CFHR4: variants seen among roughly 807,000 people sequenced by gnomAD.
CFHR4 encodes complement factor H related 4.
Under a neutral mutation model 69.3 loss-of-function variants are expected in CFHR4, and 64 were observed. That is an observed-to-expected ratio of 0.92 (90% CI 0.76 to 1.14). The LOEUF is 1.14. Among genes scored for constraint, CFHR4 ranks in the 50% most tolerant of loss-of-function variants. CFHR4 has a pLI of 0.00. For missense variants in CFHR4, 636 were observed against 684.9 expected, an observed-to-expected ratio of 0.93 and a Z score of 0.80; for synonymous variants, 244 against 237.0, an observed-to-expected ratio of 1.03 and a Z score of -0.27.
At chr1:196,913,178 T>C (rs1366539111) in intron 7 of CFHR4, among the ~76,000 whole-genome samples, 2 of 151,592 alleles carry the variant, frequency 1.3e-5, no homozygotes, top group Non-Finnish European at 2.9e-5. Flanking sequence ...TACAGACTAG[T>C]TAGGGAGCTG....
rs1386548891 is a variant in CFHR4 at position 196,912,913 on chromosome 1, A to G, written c.1171A>G (p.Ile391Val). 1.3e-5 allele frequency: 21 copies of G among 1,611,668 alleles called. No individual in the cohort carries two copies. The highest frequency in any genetic ancestry group is 4.5e-5 in the East Asian group (2 of 44,716). Residue 391 changes from isoleucine to valine, a missense_variant, in exon 7 of 10, where the codon ATT becomes GTT. By Grantham distance (29) the Ile-to-Val change is conservative. This residue lies in a region of CFHR4 where 529 missense variants were observed against 533.2 expected (regional missense o/e 0.99). Coordinates refer to ENST00000608469, the MANE Select transcript of CFHR4 (RefSeq NM_001201550.3). ...GCAAAATGGATGGTCAGCACAACCA[A>G]TTTGCATTAGTAAGTGATTTACATA... ...CLQNGWSAQP[I>V]CIKFCDMPVF...
rs559302411 is a variant in CFHR4, at chr1:196,891,660, C to T, written c.58+3452C>T. ...TCTTAAGATTTCATAACAAATAGAA[C>T]GTAAATATTAATTTCTCTCATGTTT... On this transcript the variant is annotated intron_variant, in intron 1 of 9. Transcript: ENST00000608469. Among the ~76,000 whole-genome samples, 177 of 150,872 alleles carry T rather than the reference C, an allele frequency of 1.2e-3. 3 individuals are homozygous for T. The highest frequency in any genetic ancestry group is 9.2e-3 in the South Asian group (44 of 4,806).
intron 6 of CFHR4, among the ~76,000 whole-genome samples, chr1:196,910,685 CCTAT>C (rs1305171119): frequency 6.6e-6 from 1 of 151,114 alleles, no homozygotes; most frequent in Non-Finnish European, 1.5e-5. Flanking sequence ...TATGAGAATA[CCTAT>C]ATAATTTAAA....
intron 9 of CFHR4, among the ~76,000 whole-genome samples, chr1:196,915,376 G>A (rs544650947): frequency 5.3e-5 from 8 of 151,360 alleles, no homozygotes; most frequent in African/African-American, 1.2e-4. Context: ...GGTGGCTCAC[G>A]CCTGTAGTCC....
At chr1:196,895,265 T>C (rs115825805) in intron 1 of CFHR4, among the ~76,000 whole-genome samples, 1,747 of 151,526 alleles carry the variant, frequency 0.012, 91 homozygotes, top group African/African-American at 0.041. Context: ...AATTAAAGTT[T>C]GATTATAATG....
chr1:196,891,788 T>TATATAC (rs1163613381), intron 1 of CFHR4, among the ~76,000 whole-genome samples: 12 of 151,280 alleles, frequency 7.9e-5, no homozygotes, highest in African/African-American at 2.7e-4. Flanking sequence ...GTTCTCTTTG[T>TATATAC]ATATACATAT....
intron 7 of CFHR4, 83 bp downstream of exon 7, chr1:196,913,005 GA>G (rs1180359997): frequency 6.3e-7 from 1 of 1,597,502 alleles, no homozygotes; most frequent in Non-Finnish European, 8.5e-7. Flanking sequence ...TAAAAATATA[GA>G]AAACACTTTT....
chr1:196,917,855 G>A (rs1658741002), intron 9 of CFHR4, among the ~76,000 whole-genome samples: 1 of 151,584 alleles, frequency 6.6e-6, no homozygotes, highest in African/African-American at 2.4e-5. Context: ...TGGGGGAAAG[G>A]AGGATAAGTA....
At chr1:196,908,911 T>C (rs1210193871) in intron 5 of CFHR4, among the ~76,000 whole-genome samples, 2 of 151,458 alleles carry the variant, frequency 1.3e-5, no homozygotes, top group African/African-American at 4.9e-5. Flanking sequence ...TGACTGATGA[T>C]GCTGATATTT....
In CFHR4 at chr1:196,892,397, G is replaced by A. The variant is rs540991035; in HGVS notation, c.58+4189G>A. Among the ~76,000 whole-genome samples, 251 of 151,538 alleles carry A rather than the reference G, an allele frequency of 1.7e-3. 7 individuals are homozygous for A. The highest frequency in any genetic ancestry group is 6.0e-3 in the African/African-American group (245 of 41,104). ...GATGATATCAAAGATTATTGGCAGG[G>A]TTTTTTTGTGCCTGTTGTGTTTGTT... On this transcript the variant is annotated intron_variant, in intron 1 of 9. Coordinates refer to ENST00000608469, the MANE Select transcript of CFHR4 (RefSeq NM_001201550.3).
intron 1 of CFHR4, among the ~76,000 whole-genome samples, chr1:196,893,171 T>C (rs7416180): frequency 1.3e-5 from 2 of 151,796 alleles, no homozygotes; most frequent in Admixed American, 6.6e-5. Flanking sequence ...GAAGACAATA[T>C]ATAGATAGTT....
chr1:196,893,523 G>A (rs1306454298), intron 1 of CFHR4, among the ~76,000 whole-genome samples: 1 of 151,560 alleles, frequency 6.6e-6, no homozygotes, highest in East Asian at 1.9e-4. Flanking sequence ...TTTAAAAACT[G>A]CAATTATCTT....
At chr1:196,910,182 AC>A (rs1408156353) in intron 5 of CFHR4, 98 bp from the exon 6 acceptor site, 8 of 747,872 alleles carry the variant, frequency 1.1e-5, no homozygotes, top group South Asian at 6.5e-5. Context: ...AAAAAAAAAA[AC>A]ATTATTTGGA....
rs1317838204 is a variant in CFHR4 at position 196,907,314 on chromosome 1, A to G, written c.617-2A>G. 1 of 1,606,578 alleles carries G rather than the reference A, an allele frequency of 6.2e-7. No individual in the cohort carries two copies. Among genetic ancestry groups the G allele is most frequent in the Admixed American group, 1.7e-5 (1 of 59,228 alleles). On this transcript the variant is annotated splice_acceptor_variant, in intron 4 of 9. Transcript: ENST00000608469. LOFTEE classifies it high-confidence loss of function. ...TCCCCAATGTAAAGTATTTTTTTTCAGATTCTTCAGAAAACTGTGGGCCTC... is the reference window on the plus strand; with the variant it reads ...TCCCCAATGTAAAGTATTTTTTTTCGGATTCTTCAGAAAACTGTGGGCCTC...
chr1:196,918,412 C>A lies in CFHR4; in HGVS notation c.*6C>A. 1 of 1,607,790 alleles carries A rather than the reference C, an allele frequency of 6.2e-7. No homozygotes were observed. The highest frequency in any genetic ancestry group is 8.5e-7 in the Non-Finnish European group (1 of 1,175,684). On this transcript the variant is annotated 3_prime_UTR_variant, in exon 10 of 10. Transcript: ENST00000608469. ...AATACCCCAGATGCGAATAAGGCAG[C>A]ATTGTTACCCTAAATGTATGTCCAA...
chr1:196,898,491 T>C (rs1657426563), intron 1 of CFHR4, among the ~76,000 whole-genome samples: 1 of 151,642 alleles, frequency 6.6e-6, no homozygotes, highest in Non-Finnish European at 1.5e-5. Context: ...TAAAATTCTC[T>C]TTAATGTTTG....
rs1656830437 is a variant in CFHR4, at chr1:196,888,208, G to T, written c.58G>T (p.Glu20Ter). 1.9e-6 allele frequency: 3 copies of T among 1,610,746 alleles called. No individual in the cohort carries two copies. Among genetic ancestry groups the T allele is most frequent in the Non-Finnish European group, 1.7e-6 (2 of 1,178,434 alleles). ...TLWVSCANGQ[E>*]VKPCDFPEIQ... Reference sequence around the variant, plus strand: ...GTGGGTTTCCTGTGCTAATGGACAAGGTAAGTTGAAAGAGATCTAAACACT... The same window carrying T: ...GTGGGTTTCCTGTGCTAATGGACAATGTAAGTTGAAAGAGATCTAAACACT... Residue 20 changes from glutamate (E) to a stop codon, truncating the protein, a stop_gained and splice_region_variant, in exon 1 of 10, where the codon GAA becomes TAA. Coordinates refer to ENST00000608469, the MANE Select transcript of CFHR4 (RefSeq NM_001201550.3). LOFTEE classifies it high-confidence loss of function.
rs1215528965 is a variant in CFHR4, at chr1:196,913,631, C to T, written c.1180+709C>T. 4.0e-5 allele frequency among the ~76,000 whole-genome samples: 6 copies of T among 151,230 alleles called. 1 individual carries two copies. The highest frequency in any genetic ancestry group is 1.5e-4 in the African/African-American group (6 of 40,970). On this transcript the variant is annotated intron_variant, in intron 7 of 9. Transcript: ENST00000608469. ...CAAAAGTTGATTTTTTTTCTTTCCT[C>T]TTTATATATTCACAAAGATTTTTAA...
chr1:196,888,301 C>A, intron 1 of CFHR4, 93 bp downstream of exon 1: 3 of 1,263,784 alleles, frequency 2.4e-6, no homozygotes, highest in Non-Finnish European at 3.4e-6. Flanking sequence ...TTTTATAAAT[C>A]TGATAGGATA....
Sources: allele counts gnomAD v4.1 joint callset (sites outside exome capture counted in the v4.1 genomes callset), GRCh38; gene constraint gnomAD v4.1.1; regional missense constraint gnomAD v4.1.1; transcripts MANE v1.5; gene names NCBI Gene and HGNC (gene_info 2026-07-23, HGNC 2026-07-21).